Variants in CCDC73 observed in about 807,000 individuals in gnomAD.
CCDC73 encodes the protein coiled-coil domain-containing protein 73.
In CCDC73, 95 loss-of-function variants were observed where a neutral mutation model predicts 116.5. The ratio of observed to expected loss-of-function variants is 0.82; its 90% confidence interval spans 0.69 to 0.97. The LOEUF (loss-of-function observed/expected upper bound fraction) is 0.97, where lower values mean the gene tolerates loss of function less well. Among genes scored for constraint, CCDC73 ranks in the 50% least tolerant of loss-of-function variants. The pLI, the probability that CCDC73 is intolerant of heterozygous loss-of-function variation, is 0.00. For synonymous variants in CCDC73, 398 were observed against 401.3 expected, an observed-to-expected ratio of 0.99 and a Z score of 0.10; for missense variants, 1,066 against 1,206.8, an observed-to-expected ratio of 0.88 and a Z score of 1.73.
the CCDC73 span, among the ~76,000 whole-genome samples, chr11:32,801,151 G>A: frequency 1.3e-5 from 2 of 152,148 alleles, no homozygotes; most frequent in Admixed American, 1.3e-4. Context: ...ACTACTTAAA[G>A]GGAGAAAAAT....
At chr11:32,815,902 T>C in the CCDC73 span, among the ~76,000 whole-genome samples, 1 of 152,224 alleles carries the variant, frequency 6.6e-6, no homozygotes, top group African/African-American at 2.4e-5. Flanking sequence ...CTATCCTTTC[T>C]GCATGGAAAC....
chr11:32,696,823 T>A (rs891765525), intron 6 of CCDC73, among the ~76,000 whole-genome samples: 4 of 152,078 alleles, frequency 2.6e-5, no homozygotes, highest in Non-Finnish European at 5.9e-5. Context: ...CTAGAGTTTC[T>A]GATCACTACT....
At chr11:32,629,022 TA>T (rs1855603415) in intron 14 of CCDC73, among the ~76,000 whole-genome samples, 1 of 151,580 alleles carries the variant, frequency 6.6e-6, no homozygotes, top group South Asian at 2.1e-4. Flanking sequence ...TAAATAAAAT[TA>T]AAAACTCACT....
rs575115196 is a variant in CCDC73, at chr11:32,639,464, T to C, written c.1050+2508A>G. On this transcript the variant is annotated intron_variant, in intron 13 of 17. Transcript: ENST00000335185. ...ATTGAATTCTTTTTTTTCCTTTTTT[T>C]TTTGAGATGGAGTCTCACTCTGTTG... Among the ~76,000 whole-genome samples, 4 of 152,108 alleles carry C rather than the reference T, an allele frequency of 2.6e-5. 1 individual carries two copies. Among genetic ancestry groups the C allele is most frequent in the Non-Finnish European group, 5.9e-5 (4 of 67,964 alleles).
At chr11:32,641,168 T>C (rs1855729694) in intron 13 of CCDC73, among the ~76,000 whole-genome samples, 2 of 152,214 alleles carry the variant, frequency 1.3e-5, no homozygotes, top group Non-Finnish European at 2.9e-5. Flanking sequence ...TATAATATAT[T>C]GCATAGTATA....
intron 12 of CCDC73, among the ~76,000 whole-genome samples, chr11:32,647,827 C>CAA (rs879921318): frequency 1.1e-4 from 10 of 94,876 alleles, no homozygotes; most frequent in South Asian, 3.4e-4. Flanking sequence ...AACTAGCTCT[C>CAA]AAAAAAAAAA....
chr11:32,667,787 T>C (rs1856000293), intron 9 of CCDC73, among the ~76,000 whole-genome samples: 2 of 152,176 alleles, frequency 1.3e-5, no homozygotes, highest in Non-Finnish European at 2.9e-5. Flanking sequence ...GCTGTTCCTA[T>C]TCAGCCATCT....
upstream of CCDC73, chr11:32,794,701 T>C (rs1236334019): frequency 6.6e-6 from 1 of 152,260 alleles, no homozygotes; most frequent in Non-Finnish European, 1.5e-5. Context: ...GTCATTAGCC[T>C]AAGATACGTG....
chr11:32,741,384 T>C (rs996611512), intron 2 of CCDC73, among the ~76,000 whole-genome samples: 3 of 152,176 alleles, frequency 2.0e-5, no homozygotes, highest in African/African-American at 7.2e-5. Context: ...ACAACTGTTA[T>C]ATCCTCTTTC....
intron 1 of CCDC73, among the ~76,000 whole-genome samples, chr11:32,780,925 A>G (rs1054159115): frequency 5.9e-5 from 9 of 152,180 alleles, no homozygotes; most frequent in African/African-American, 1.9e-4. Context: ...GTGCCTCTCA[A>G]AAGTTTGTGC....
chr11:32,782,513 A>G (rs751329271), intron 1 of CCDC73, among the ~76,000 whole-genome samples: 1 of 152,234 alleles, frequency 6.6e-6, no homozygotes, highest in Admixed American at 6.5e-5. Context: ...ATAACCTCCA[A>G]TTCACTTTCT....
intron 1 of CCDC73, among the ~76,000 whole-genome samples, chr11:32,772,320 T>C (rs898968272): frequency 6.6e-6 from 1 of 152,140 alleles, no homozygotes; most frequent in South Asian, 2.1e-4. Context: ...TATTTATAAG[T>C]AATGCATTAG....
intron 14 of CCDC73, among the ~76,000 whole-genome samples, chr11:32,617,668 G>A (rs1003871420): frequency 1.2e-4 from 18 of 152,198 alleles, no homozygotes; most frequent in African/African-American, 3.9e-4. Context: ...AAGGCTGAGG[G>A]AGAAGGTGAG....
chr11:32,722,299 G>A (rs1321360004), intron 2 of CCDC73, among the ~76,000 whole-genome samples: 1 of 152,130 alleles, frequency 6.6e-6, no homozygotes, highest in Non-Finnish European at 1.5e-5. Context: ...CTTAAAAAAA[G>A]GTTAACAAAA....
At chr11:32,703,922 CTGT>C (rs773306246) in intron 3 of CCDC73, among the ~76,000 whole-genome samples, 7 of 152,202 alleles carry the variant, frequency 4.6e-5, no homozygotes, top group Non-Finnish European at 1.0e-4. Flanking sequence ...TCAAATTTTT[CTGT>C]TGTTTGCTCC....
intron 1 of CCDC73, among the ~76,000 whole-genome samples, chr11:32,762,182 AC>A (rs1389387197): frequency 1.2e-4 from 18 of 152,226 alleles, no homozygotes; most frequent in Non-Finnish European, 2.4e-4. Context: ...AATTTCCATT[AC>A]TGAAAATGAT....
At chr11:32,766,303 T>C (rs1194614837) in intron 1 of CCDC73, among the ~76,000 whole-genome samples, 7 of 152,202 alleles carry the variant, frequency 4.6e-5, no homozygotes, top group African/African-American at 1.7e-4. Flanking sequence ...TGATGGAACA[T>C]ATCTCAAAAT....
chr11:32,732,859 A>T (rs925762731), intron 2 of CCDC73, among the ~76,000 whole-genome samples: 1 of 152,344 alleles, frequency 6.6e-6, no homozygotes, highest in East Asian at 1.9e-4. Flanking sequence ...AACTGCATCA[A>T]CTAAGAAGCA....
chr11:32,772,868 G>A (rs1158904103), intron 1 of CCDC73, among the ~76,000 whole-genome samples: 2 of 152,124 alleles, frequency 1.3e-5, no homozygotes, highest in East Asian at 3.9e-4. Flanking sequence ...ATATAAAATG[G>A]TGCAACCAGA....
Sources: gnomAD v4.1 joint callset for allele counts (sites outside exome capture counted in the v4.1 genomes callset) on GRCh38, gnomAD v4.1.1 for gene constraint, MANE v1.5 for transcripts, NCBI Gene and HGNC (gene_info 2026-07-23, HGNC 2026-07-21) for gene names.